The following CABIN1 variants were observed in gnomAD, a reference collection of about 807,000 sequenced individuals.
CABIN1 encodes the protein calcineurin-binding protein cabin-1.
Under a neutral mutation model 227.7 loss-of-function variants are expected in CABIN1, and 133 were observed. That is an observed-to-expected ratio of 0.58 (90% confidence interval 0.51 to 0.67). CABIN1 has a LOEUF of 0.67. CABIN1 is among the 30% of genes least tolerant of loss of function. CABIN1 has a pLI of 0.00. For missense variants in CABIN1, 2,408 were observed against 2,852.5 expected, an observed-to-expected ratio of 0.84 and a Z score of 3.55; for synonymous variants, 1,086 against 1,155.1, an observed-to-expected ratio of 0.94 and a Z score of 1.21.
intron 1 of CABIN1, among the ~76,000 whole-genome samples, chr22:24,019,408 G>A (rs2035548450): frequency 6.6e-6 from 1 of 151,628 alleles, no homozygotes; most frequent in East Asian, 1.9e-4. Context: ...GGGATTACAG[G>A]CGTGAGCCTG....
At chr22:24,146,245 C>T (rs960591454) in intron 29 of CABIN1, among the ~76,000 whole-genome samples, 8 of 152,188 alleles carry the variant, frequency 5.3e-5, no homozygotes, top group African/African-American at 1.9e-4. Flanking sequence ...GTTGCACAAG[C>T]AGAGTAAACA....
intron 25 of CABIN1, 71 bp from the exon 26 acceptor site, chr22:24,097,943 C>T: frequency 6.3e-7 from 1 of 1,594,666 alleles, no homozygotes. Context: ...GGCATTCACC[C>T]TTACCAGTAC....
intron 28 of CABIN1, among the ~76,000 whole-genome samples, chr22:24,121,774 G>A (rs1341863213): frequency 6.6e-6 from 1 of 152,172 alleles, no homozygotes; most frequent in East Asian, 1.9e-4. Context: ...AGTAACCATT[G>A]TCCTGTCCTC....
chr22:24,109,081 A>C lies in CABIN1; in HGVS notation c.4118-4485A>C, dbSNP rs537012111. On this transcript the variant is annotated intron_variant, in intron 26 of 36. Transcript: ENST00000263119. The stretch of plus-strand genomic sequence containing the variant: ...CTTATGTTATCACAGTTTTACATGC[A>C]TGGAAACTGAAGTATAAATAATTAT... Among the ~76,000 whole-genome samples the C allele has an allele frequency of 5.9e-5, 9 of 152,338 alleles. No individual in the cohort carries two copies. The East Asian group carries it at 1.5e-3, about 26-fold the overall frequency.
chr22:24,073,792 C>A (rs1334029400), intron 18 of CABIN1, among the ~76,000 whole-genome samples: 1 of 152,062 alleles, frequency 6.6e-6, no homozygotes, highest in African/African-American at 2.4e-5. Flanking sequence ...AGACCTGGGG[C>A]ATGGGGATTG....
intron 29 of CABIN1, among the ~76,000 whole-genome samples, chr22:24,139,610 C>T (rs1479067102): frequency 3.9e-5 from 6 of 151,918 alleles, no homozygotes; most frequent in African/African-American, 7.3e-5. Context: ...AGCGACTTTG[C>T]TTTTTCCATG....
At chr22:24,149,146 G>A (rs2045335062) in intron 29 of CABIN1, among the ~76,000 whole-genome samples, 1 of 152,208 alleles carries the variant, frequency 6.6e-6, no homozygotes, top group African/African-American at 2.4e-5. Flanking sequence ...AAGAGGAACA[G>A]ACCAAGGACT....
chr22:24,167,882 A>T (rs928577119), intron 32 of CABIN1, among the ~76,000 whole-genome samples: 1 of 152,132 alleles, frequency 6.6e-6, no homozygotes, highest in South Asian at 2.1e-4. Context: ...CTGAATCCCT[A>T]GACACACTTG....
At chr22:24,165,689 G>A (rs2046405509) in intron 31 of CABIN1, 63 bp downstream of exon 31, 5 of 1,389,504 alleles carry the variant, frequency 3.6e-6, no homozygotes, top group Non-Finnish European at 5.0e-6. Context: ...CCCTTCCCAG[G>A]TGGTGGGCCC....
In CABIN1 at chr22:24,036,110, G is replaced by T. The variant is rs1487434336; in HGVS notation, c.25G>T (p.Ala9Ser). The change falls in exon 3 of 37, where the codon GCC becomes TCC. Residue 9 changes from alanine to serine, a missense_variant. Ala to Ser is a moderately conservative substitution (Grantham distance 99, BLOSUM62 1). Coordinates refer to ENST00000263119, the MANE Select transcript of CABIN1 (RefSeq NM_012295.4). Reference protein sequence around the residue: MIRIAALNASSTIEDDHEG... With the variant: MIRIAALNSSSTIEDDHEG... ...CTAGATTCGAATTGCAGCCTTAAAT[G>T]CCAGCTCCACCATTGAGGATGATCA... 6.2e-7 allele frequency: 1 copy of T among 1,613,690 alleles called. No individual in the cohort carries two copies. The highest frequency in any genetic ancestry group is 1.1e-5 in the South Asian group (1 of 91,082).
Position 24,178,084 on chromosome 22 carries a change from A to G in CABIN1, c.6551A>G (p.Asn2184Ser), listed in dbSNP as rs779534609. ...ATCCTTTCTGCCCAGTCTGCTGCCA[A>G]CGTGAGGAAGGAGAGCCTATGCCAG... is the stretch of plus-strand genomic sequence containing the variant. ...SAILSAQSAA[N>S]VRKESLCQPA... Residue 2184 changes from asparagine (N) to serine (S), a missense_variant, in exon 37 of 37, where the codon AAC becomes AGC. Asn to Ser is a conservative substitution (Grantham distance 46, BLOSUM62 1). Coordinates refer to ENST00000263119, the MANE Select transcript of CABIN1 (RefSeq NM_012295.4). 62 of 1,613,640 alleles carry G rather than the reference A, an allele frequency of 3.8e-5. 1 individual carries two copies. In the South Asian group the frequency reaches 4.1e-4, roughly 11 times the overall value.
At chr22:24,062,071 C>T (rs747120659) in intron 13 of CABIN1, 46 bp downstream of exon 13, 2 of 1,483,556 alleles carry the variant, frequency 1.3e-6, no homozygotes, top group East Asian at 4.5e-5. Context: ...ATCTGAACCC[C>T]CAGCAGCTGG....
intron 29 of CABIN1, among the ~76,000 whole-genome samples, chr22:24,147,139 T>C (rs1282468273): frequency 1.3e-5 from 2 of 152,218 alleles, no homozygotes; most frequent in African/African-American, 2.4e-5. Flanking sequence ...TTAACATTCC[T>C]GAATAGAGGA....
chr22:24,045,346 T>C (rs1203301334), intron 6 of CABIN1, among the ~76,000 whole-genome samples: 1 of 152,074 alleles, frequency 6.6e-6, no homozygotes, highest in Non-Finnish European at 1.5e-5. Context: ...TAGCTACAGG[T>C]AGCATGCCTG....
chr22:24,135,300 G>T (rs1260143987), intron 29 of CABIN1, among the ~76,000 whole-genome samples: 8 of 151,992 alleles, frequency 5.3e-5, no homozygotes, highest in African/African-American at 1.9e-4. Context: ...TGAGGCAGGA[G>T]AATTGCTTGA....
chr22:24,176,402 G>A, intron 35 of CABIN1, 127 bp downstream of exon 35: 1 of 1,078,392 alleles, frequency 9.3e-7, no homozygotes, highest in South Asian at 1.4e-5. Flanking sequence ...AATGAGATGG[G>A]GAGGAAATGG....
At chr22:24,072,539 G>A in intron 18 of CABIN1, 29 bp downstream of exon 18, 1 of 1,613,660 alleles carries the variant, frequency 6.2e-7, no homozygotes, top group South Asian at 1.1e-5. Flanking sequence ...CAGTGGGGAT[G>A]AGCTCTGACT....
At chr22:24,164,739 C>T (rs150007511) in intron 30 of CABIN1, among the ~76,000 whole-genome samples, 176 bp downstream of exon 30, 1 of 152,258 alleles carries the variant, frequency 6.6e-6, no homozygotes, top group East Asian at 1.9e-4. Flanking sequence ...ACCTAAACAA[C>T]ACTTCCCACC....
chr22:24,076,580 C>G (rs978206347), intron 19 of CABIN1, among the ~76,000 whole-genome samples: 4 of 152,136 alleles, frequency 2.6e-5, no homozygotes, highest in Non-Finnish European at 5.9e-5. Context: ...GAGTTTCTTC[C>G]TAGTCAGGCA....
Sources: gnomAD v4.1 joint callset for allele counts (sites outside exome capture counted in the v4.1 genomes callset) on GRCh38, gnomAD v4.1.1 for gene constraint, MANE v1.5 for transcripts, NCBI Gene and HGNC (gene_info 2026-07-23, HGNC 2026-07-21) for gene names.